Variants in CABIN1 observed in about 807,000 individuals in gnomAD.
The protein encoded by CABIN1 is calcineurin binding protein 1, also known as calcineurin-binding protein cabin-1.
CABIN1 carries 133 observed loss-of-function variants against 227.7 expected under a neutral mutation model. That is an observed-to-expected ratio of 0.58 (90% CI 0.51 to 0.67). The LOEUF is 0.67. Ranked by LOEUF, CABIN1 falls within the 30% of genes least tolerant of loss-of-function variation. The probability of loss-of-function intolerance (pLI) is 0.00; values close to 1 mark genes in which losing one functional copy is unlikely to be tolerated. For missense variants in CABIN1, 2,408 were observed against 2,852.5 expected (o/e 0.84, Z 3.55); for synonymous variants, 1,086 against 1,155.1 (o/e 0.94, Z 1.21).
chr22:24,014,997 C>T (rs2035138908), intron 1 of CABIN1, among the ~76,000 whole-genome samples: 1 of 152,096 alleles, frequency 6.6e-6, no homozygotes, highest in Non-Finnish European at 1.5e-5. Context: ...GGCGTGGTGG[C>T]TCATGCCTGT....
intron 1 of CABIN1, among the ~76,000 whole-genome samples, chr22:24,017,965 A>G (rs1371002103): frequency 6.6e-6 from 1 of 151,976 alleles, no homozygotes; most frequent in Non-Finnish European, 1.5e-5. Flanking sequence ...TCAACCTTCT[A>G]CCTCAACTGC....
At position 24,177,884 on chromosome 22, in the gene CABIN1, A is replaced by G. The variant is rs2148848389; in HGVS notation, c.6519+67A>G. ...GCATAGGTTACAAAGGGGGCCTAGG[A>G]TGGGGGTGGGGGTGGCAGGAGGGCC... On this transcript the variant is annotated intron_variant, in intron 36 of 36. Transcript: ENST00000263119. This position sits in a 1 kb window ranked among gnomAD's most constrained non-coding sequence, Gnocchi z 4.4. The G allele has an allele frequency of 3.8e-6, 3 of 790,312 alleles. No individual in the cohort carries two copies. Among genetic ancestry groups the G allele is most frequent in the Non-Finnish European group, 5.7e-6 (3 of 528,712 alleles). 49.0% of individuals were successfully genotyped at this position (790,312 alleles called of 1,614,324 possible).
At chr22:24,061,917 GT>G in intron 12 of CABIN1, 29 bp from the exon 13 acceptor site, 1 of 1,574,958 alleles carries the variant, frequency 6.3e-7, no homozygotes, top group Non-Finnish European at 8.7e-7. Context: ...TTGTGATACT[GT>G]TCTTGACCTT....
At chr22:24,128,070 G>A (rs2043842920) in intron 28 of CABIN1, among the ~76,000 whole-genome samples, 1 of 152,078 alleles carries the variant, frequency 6.6e-6, no homozygotes, top group African/African-American at 2.4e-5. Flanking sequence ...TGCCTCCTTG[G>A]GGACAGACCC....
chr22:24,113,887 A>G lies in CABIN1; in HGVS notation c.4300+139A>G, dbSNP rs1169079785. ...GGGCCTCCATTTTTCTCCCTGTAGG[A>G]TGAGAATGGTCCCAGTGCCCGCCCT... On this transcript the variant is annotated intron_variant, in intron 27 of 36. Transcript: ENST00000263119. The G allele has an allele frequency of 1.6e-5, 15 of 910,578 alleles. No individual in the cohort carries two copies. The Admixed American group carries it at 3.1e-4, about 19-fold the overall frequency. The allele number at this position is 910,578 out of a possible 1,614,324, so 56.4% of individuals were successfully genotyped here.
At chr22:24,091,913 T>G (rs1342909879) in intron 24 of CABIN1, 70 bp downstream of exon 24, 2 of 1,584,764 alleles carry the variant, frequency 1.3e-6, no homozygotes, top group African/African-American at 2.7e-5. Flanking sequence ...TCCCTGGGCA[T>G]GTGGCTCAAG....
intron 29 of CABIN1, among the ~76,000 whole-genome samples, chr22:24,145,477 A>G (rs1435912578): frequency 1.3e-5 from 2 of 152,186 alleles, no homozygotes; most frequent in African/African-American, 2.4e-5. Flanking sequence ...CACCTGAGCC[A>G]GGATTTAGGT....
At chr22:24,029,504 G>A (rs568909827) in intron 1 of CABIN1, among the ~76,000 whole-genome samples, 2 of 152,222 alleles carry the variant, frequency 1.3e-5, no homozygotes, top group African/African-American at 4.8e-5. Context: ...GTGAGCTGAG[G>A]TGAGATTGTG....
intron 26 of CABIN1, among the ~76,000 whole-genome samples, chr22:24,098,664 A>G (rs1275712751): frequency 6.6e-6 from 1 of 152,116 alleles, no homozygotes; most frequent in East Asian, 1.9e-4. Flanking sequence ...GAGAATCCAG[A>G]TAAGTTGTTA....
chr22:24,170,010 C>T, intron 33 of CABIN1: 1 of 413,016 alleles, frequency 2.4e-6, no homozygotes, highest in South Asian at 1.7e-5. Context: ...CCTTACCTTT[C>T]AGGTTGCCTG....
intron 29 of CABIN1, among the ~76,000 whole-genome samples, chr22:24,147,279 CCCTCCCTCCCTG>C (rs1208278089): frequency 9.3e-6 from 1 of 107,848 alleles, no homozygotes; most frequent in Non-Finnish European, 1.9e-5. Flanking sequence ...CTGCCTCCCT[CCCTCCCTCCCTG>C]CCTCCCTGCC....
intron 26 of CABIN1, among the ~76,000 whole-genome samples, chr22:24,101,973 C>G (rs1036796675): frequency 2.6e-5 from 4 of 152,178 alleles, no homozygotes; most frequent in African/African-American, 9.7e-5. Context: ...AGTAGCATGT[C>G]TCCATCTTCA....
Position 24,092,314 on chromosome 22 carries a change from T to C in CABIN1, c.3786+471T>C, listed in dbSNP as rs147845067. Among the ~76,000 whole-genome samples, 42 of 152,268 alleles carry C rather than the reference T, an allele frequency of 2.8e-4. No homozygotes were observed. The East Asian group carries it at 7.0e-3, about 25-fold the overall frequency. ...CAGCCTGCTCTCTTGACCCCCAGTT[T>C]GGAGTCTTCTGATTGTTGTTCAAGA... On this transcript the variant is annotated intron_variant, in intron 24 of 36. Coordinates refer to ENST00000263119, the MANE Select transcript of CABIN1 (RefSeq NM_012295.4).
In CABIN1 at chr22:24,091,996, A is replaced by C. The variant is rs1051639474; in HGVS notation, c.3786+153A>C. The stretch of plus-strand genomic sequence containing the variant: ...CAGCTTCATGTGCAATTGAATTAAA[A>C]CATCATTTCCTCTCTTTTCCCAAGG... On this transcript the variant is annotated intron_variant, in intron 24 of 36. Coordinates refer to ENST00000263119, the MANE Select transcript of CABIN1 (RefSeq NM_012295.4). The C allele has an allele frequency of 3.0e-5, 26 of 854,172 alleles. No homozygotes were observed. In the South Asian group the frequency reaches 4.3e-4, roughly 14 times the overall value. The allele number at this position is 854,172 out of a possible 1,614,324, so 52.9% of individuals were successfully genotyped here.
chr22:24,078,248 G>T (rs117307051), intron 19 of CABIN1, among the ~76,000 whole-genome samples: 2,803 of 152,188 alleles, frequency 0.018, 33 homozygotes, highest in Middle Eastern at 0.031. Flanking sequence ...CTGTCTTGCT[G>T]TTTGAAGCAT....
At chr22:24,108,282 G>A (rs2042625692) in intron 26 of CABIN1, among the ~76,000 whole-genome samples, 1 of 152,246 alleles carries the variant, frequency 6.6e-6, no homozygotes, top group South Asian at 2.1e-4. Context: ...CAATGACCCT[G>A]CGTGGCCTCT....
At position 24,043,091 on chromosome 22, in the gene CABIN1, C is replaced by A; in HGVS notation, c.526+7C>A. ...ACCCTCAGTGATTACACAAGTGAGT[C>A]ATGCTTTGATGCTTTCTTCCATGTG... On this transcript the variant is annotated splice_region_variant and intron_variant, in intron 6 of 36. Transcript: ENST00000263119. 1.2e-6 allele frequency: 2 copies of A among 1,613,318 alleles called. No homozygotes were observed. Among genetic ancestry groups the A allele is most frequent in the South Asian group, 2.2e-5 (2 of 91,008 alleles).
Position 24,098,000 on chromosome 22 carries a change from C to A in CABIN1, c.3939-14C>A. ...GGAGACTCTGACCTGTGCCCCAAACCTCTGTTCCCACAGGGAGAAGGCCTG... is the reference window on the plus strand; with the variant it reads ...GGAGACTCTGACCTGTGCCCCAAACATCTGTTCCCACAGGGAGAAGGCCTG... On this transcript the variant is annotated splice_polypyrimidine_tract_variant and intron_variant, in intron 25 of 36. Coordinates refer to ENST00000263119, the MANE Select transcript of CABIN1 (RefSeq NM_012295.4). 1.2e-6 allele frequency: 2 copies of A among 1,614,146 alleles called. No homozygotes were observed. The highest frequency in any genetic ancestry group is 4.5e-5 in the East Asian group (2 of 44,882).
intron 29 of CABIN1, among the ~76,000 whole-genome samples, chr22:24,136,524 A>ATTTTTTTTTTTTTGTTTTTTTTTTTTTTT (rs2044417368): frequency 1.4e-5 from 1 of 69,894 alleles, no homozygotes; most frequent in East Asian, 5.0e-4. Flanking sequence ...TAATTTTTGT[A>ATTTTTTTTTTTTTGTTTTTTTTTTTTTTT]TTTTTTTTTT....
Sources: allele counts gnomAD v4.1 joint callset (sites outside exome capture counted in the v4.1 genomes callset), GRCh38; gene constraint gnomAD v4.1.1; non-coding constraint Gnocchi (gnomAD v3.1); transcripts MANE v1.5; gene names NCBI Gene and HGNC (gene_info 2026-07-23, HGNC 2026-07-21).